DENND2C: variants seen among roughly 807,000 people sequenced by gnomAD.
The protein encoded by DENND2C is DENN domain containing 2C, also known as DENN domain-containing protein 2C.
Under a neutral mutation model 112.4 loss-of-function variants are expected in DENND2C, and 72 were observed. The observed-to-expected ratio is 0.64, with a 90% CI of 0.53 to 0.78. The LOEUF is 0.78. Ranked by LOEUF, DENND2C falls within the 30% of genes least tolerant of loss-of-function variation. The pLI, the probability that DENND2C is intolerant of heterozygous loss-of-function variation, is 0.00. For synonymous variants in DENND2C, 329 were observed against 381.6 expected (o/e 0.86, Z 1.61); for missense variants, 992 against 1,113.8 (o/e 0.89, Z 1.56).
intron 1 of DENND2C, among the ~76,000 whole-genome samples, chr1:114,669,118 A>G (rs1022689679): frequency 6.6e-6 from 1 of 152,224 alleles, no homozygotes; most frequent in African/African-American, 2.4e-5. Flanking sequence ...TATCTAAAAC[A>G]CTGCAGAAGA....
chr1:114,655,868 A>ATATATATG (rs1267486059), intron 1 of DENND2C, among the ~76,000 whole-genome samples: 3 of 64,342 alleles, frequency 4.7e-5, no homozygotes, highest in African/African-American at 1.5e-4. Context: ...AAGAACTTTT[A>ATATATATG]TATATATATG....
At chr1:114,646,193 C>T (rs1422226765) in intron 2 of DENND2C, among the ~76,000 whole-genome samples, 1 of 152,108 alleles carries the variant, frequency 6.6e-6, no homozygotes, top group Non-Finnish European at 1.5e-5. Context: ...TCCCAAAGTG[C>T]TGGGATTACA....
chr1:114,645,643 A>C (rs2101684552), intron 2 of DENND2C, 84 bp from the exon 3 acceptor site: 1 of 152,344 alleles, frequency 6.6e-6, no homozygotes, highest in Non-Finnish European at 1.5e-5. Context: ...TCACTGACTG[A>C]ATCAGAATAC....
chr1:114,625,709 T>C lies in DENND2C; in HGVS notation c.276A>G (p.Gln92=). 6.2e-7 allele frequency: 1 copy of C among 1,614,108 alleles called. No homozygotes were observed. ...DINENTKSHD[Q]SENENKKHEY... is the part of the protein sequence containing the mutation. ...CATGTTTCTTATTTTCATTCTCACT[T>C]TGATCATGGCTTTTGGTATTTTCAT... Residue 92 remains glutamine, a synonymous_variant, in exon 4 of 21, where the codon CAA becomes CAG. Coordinates refer to ENST00000393274, the MANE Select transcript of DENND2C (RefSeq NM_001256404.2).
chr1:114,621,933 C>T lies in DENND2C; in HGVS notation c.1189G>A (p.Gly397Ser), dbSNP rs56861557. ...TTCCTTTTCGTGTTTGCAACTTCAC[C>T]AGCTCGGAAAAGCTTCCATTCCGTT... ...TLTEWKLFRAGEVANTKRKNL... is the reference protein window; with the variant it reads ...TLTEWKLFRASEVANTKRKNL... Residue 397 changes from glycine (G) to serine (S), a missense_variant, in exon 7 of 21, where the codon GGT (glycine) becomes AGT (serine). Physicochemically the swap from Gly to Ser is moderately conservative, Grantham distance 56. Coordinates refer to ENST00000393274, the MANE Select transcript of DENND2C (RefSeq NM_001256404.2). 74,182 of 1,550,484 alleles carry T rather than the reference C, an allele frequency of 0.048. 1,919 individuals are homozygous for T. Among genetic ancestry groups the T allele is most frequent in the Middle Eastern group, 0.074 (446 of 5,994 alleles).
intron 2 of DENND2C, among the ~76,000 whole-genome samples, chr1:114,646,887 C>T (rs115581615): frequency 9.9e-5 from 15 of 152,160 alleles, no homozygotes; most frequent in African/African-American, 2.6e-4. Context: ...AGGGCAGGCA[C>T]GGTAGCTCAT....
At position 114,599,538 on chromosome 1, in the gene DENND2C, A is replaced by T. The variant is rs868456364; in HGVS notation, c.2106-87T>A. ...TATTATGTTAAAGAATTAAAAATTG[A>T]TGCTGGTTAGTGATCATAGATTAAA... On this transcript the variant is annotated intron_variant, in intron 15 of 20. Coordinates refer to ENST00000393274, the MANE Select transcript of DENND2C (RefSeq NM_001256404.2). 6 of 1,145,340 alleles carry T rather than the reference A, an allele frequency of 5.2e-6. No homozygotes were observed. In the Middle Eastern group the frequency reaches 1.5e-3, roughly 278 times the overall value. 70.9% of individuals were successfully genotyped at this position (1,145,340 alleles called of 1,614,324 possible).
chr1:114,657,759 C>T (rs1410041081), intron 1 of DENND2C, among the ~76,000 whole-genome samples: 3 of 152,156 alleles, frequency 2.0e-5, no homozygotes, highest in East Asian at 1.9e-4. Flanking sequence ...GACGAATAGA[C>T]AATAGAGTGG....
At chr1:114,605,564 G>T (rs1163471803) in intron 10 of DENND2C, among the ~76,000 whole-genome samples, 1 of 152,194 alleles carries the variant, frequency 6.6e-6, no homozygotes, top group Non-Finnish European at 1.5e-5. Flanking sequence ...GCCCAAGGTG[G>T]GCGCATCACT....
Position 114,657,154 on chromosome 1 carries a change from C to T in DENND2C, c.-573-2393G>A, listed in dbSNP as rs372776441. ...AATATATGAGGTTGCAGTCACTCCT[C>T]AGTCATACTGGAATTGTTAGTCTTT... On this transcript the variant is annotated intron_variant, in intron 1 of 20. Coordinates refer to ENST00000393274, the MANE Select transcript of DENND2C (RefSeq NM_001256404.2). Among the ~76,000 whole-genome samples the T allele has an allele frequency of 1.3e-3, 193 of 152,344 alleles. 1 individual carries two copies. The highest frequency in any genetic ancestry group is 4.3e-3 in the African/African-American group (178 of 41,578).
In DENND2C at chr1:114,625,529, T is replaced by C; in HGVS notation, c.456A>G (p.Lys152=). 6.2e-7 allele frequency: 1 copy of C among 1,614,128 alleles called. No homozygotes were observed. The highest frequency in any genetic ancestry group is 8.5e-7 in the Non-Finnish European group (1 of 1,180,006). Reference sequence around the variant, plus strand: ...GTTTATCTGGGGGAAGTGCTTCTATTTTCTTCCACAGTATTTGTGAGGTAT... The same window carrying C: ...GTTTATCTGGGGGAAGTGCTTCTATCTTCTTCCACAGTATTTGTGAGGTAT... ...NFYTSQILWK[K]IEALPPDKLL... The change falls in exon 4 of 21, where the codon AAA becomes AAG. Residue 152 remains lysine, a synonymous_variant. Transcript: ENST00000393274.
In DENND2C at chr1:114,587,962, C is replaced by A. The variant is rs1159880970; in HGVS notation, c.2432-10G>T. ...GAGTTGAGTGTCACATCTGCTGCAA[C>A]ATGAAAAAGAAAAAAAGAAAAAAAT... On this transcript the variant is annotated splice_polypyrimidine_tract_variant and intron_variant, in intron 18 of 20. Transcript: ENST00000393274. 1.9e-6 allele frequency: 3 copies of A among 1,602,976 alleles called. No individual in the cohort carries two copies. Among genetic ancestry groups the A allele is most frequent in the Admixed American group, 1.7e-5 (1 of 57,532 alleles).
chr1:114,618,279 C>A (rs576259078), intron 8 of DENND2C, 107 bp downstream of exon 8: 1 of 682,270 alleles, frequency 1.5e-6, no homozygotes, highest in Non-Finnish European at 2.2e-6. Flanking sequence ...TGAGCCACCA[C>A]GCCCGGCCCC....
intron 9 of DENND2C, 21 bp from the exon 10 acceptor site, chr1:114,608,894 A>C (rs1204306969): frequency 1.2e-6 from 2 of 1,613,564 alleles, no homozygotes; most frequent in South Asian, 1.1e-5. Flanking sequence ...ATCATGGAGA[A>C]ATGTTTTTTT....
chr1:114,658,187 A>G (rs6537841), intron 1 of DENND2C, among the ~76,000 whole-genome samples: 133,141 of 152,168 alleles, frequency 0.87, 58,751 homozygotes, highest in African/African-American at 0.96. Flanking sequence ...AGGAAGTGTG[A>G]GGAGAAAAGG....
intron 3 of DENND2C, among the ~76,000 whole-genome samples, chr1:114,639,102 A>G (rs1050214623): frequency 1.3e-5 from 2 of 152,214 alleles, no homozygotes; most frequent in Non-Finnish European, 2.9e-5. Flanking sequence ...ATCCTGAGTC[A>G]CCAAGAACAT....
chr1:114,603,019 A>C (rs1655556721), intron 11 of DENND2C, among the ~76,000 whole-genome samples: 1 of 152,242 alleles, frequency 6.6e-6, no homozygotes, highest in African/African-American at 2.4e-5. Flanking sequence ...TAATATGTAA[A>C]AATTATTAAG....
At chr1:114,601,456 A>G in intron 13 of DENND2C, 52 bp downstream of exon 13, 1 of 1,555,998 alleles carries the variant, frequency 6.4e-7, no homozygotes, top group South Asian at 1.2e-5. Flanking sequence ...GCCACTTAAT[A>G]TTAAGAGCTC....
At chr1:114,625,051 A>C in intron 4 of DENND2C, 128 bp downstream of exon 4, 1 of 853,832 alleles carries the variant, frequency 1.2e-6, no homozygotes, top group Non-Finnish European at 1.8e-6. Context: ...ATTAATCAAC[A>C]CCTGCATGTT....
Sources: gnomAD v4.1 joint callset for allele counts (sites outside exome capture counted in the v4.1 genomes callset) on GRCh38, gnomAD v4.1.1 for gene constraint, MANE v1.5 for transcripts, NCBI Gene and HGNC (gene_info 2026-07-23, HGNC 2026-07-21) for gene names.